The following ETAA1 variants were observed in gnomAD, a reference collection of about 807,000 sequenced individuals.
ETAA1 encodes the protein ETAA1 activator of ATR kinase.
In ETAA1, 49 loss-of-function variants were observed where a neutral mutation model predicts 76.8. The ratio of observed to expected loss-of-function variants is 0.64; its 90% CI spans 0.51 to 0.81. The LOEUF (loss-of-function observed/expected upper bound fraction) is 0.81, where lower values mean the gene tolerates loss of function less well. ETAA1 is among the 30% of genes least tolerant of loss of function. The pLI, the probability that ETAA1 is intolerant of heterozygous loss-of-function variation, is 0.00. For missense variants in ETAA1, 1,099 were observed against 1,074.0 expected, an observed-to-expected ratio of 1.02 and a Z score of -0.32; for synonymous variants, 373 against 372.2, an observed-to-expected ratio of 1.00 and a Z score of -0.03.
rs185586851 is a variant in ETAA1, at chr2:67,411,412, A to G, written c.*1374A>G. Reference sequence around the variant, plus strand: ...TGAAAATACCTTAAGTTAAAAATGCATTTACTACACTTAATCTACCAGACA... The same window carrying G: ...TGAAAATACCTTAAGTTAAAAATGCGTTTACTACACTTAATCTACCAGACA... On this transcript the variant is annotated 3_prime_UTR_variant, in exon 6 of 6. Transcript: ENST00000272342. The G allele has an allele frequency of 2.3e-4, 35 of 152,182 alleles. No individual in the cohort carries two copies. The highest frequency in any genetic ancestry group is 6.3e-4 in the African/African-American group (26 of 41,556). The allele number at this position is 152,182 out of a possible 1,614,324, so 9.4% of individuals were successfully genotyped here. A position where few individuals can be genotyped will look rare whatever the true frequency, so the allele number is the denominator to read the frequency against.
At position 67,407,246 on chromosome 2, in the gene ETAA1, TAA is replaced by T. The variant is rs71395915; in HGVS notation, c.2653+1930_2653+1931del. ...CTGACACTAACAACAGCTGATGAAC[TAA>T]AAAAAAAAAAAAAAAAAATCACAAA... On this transcript the variant is annotated intron_variant, in intron 5 of 5. Transcript: ENST00000272342. Among the ~76,000 whole-genome samples, 136 of 102,230 alleles carry T rather than the reference TAA, an allele frequency of 1.3e-3. 1 individual carries two copies. The highest frequency in any genetic ancestry group is 4.6e-3 in the South Asian group (14 of 3,066). 67.1% of individuals were successfully genotyped at this position (102,230 alleles called of 152,430 possible).
In ETAA1 at chr2:67,402,927, T is replaced by C; in HGVS notation, c.495T>C (p.Thr165=). Residue 165 remains threonine, a synonymous_variant, in exon 4 of 6, where the codon ACT becomes ACC. Transcript: ENST00000272342. ...TTGGTGAAACTGCTATTCCTTGTACTCCCAGTGTAGCAAAAGGAAAATCAA... is the reference window on the plus strand; with the variant it reads ...TTGGTGAAACTGCTATTCCTTGTACCCCCAGTGTAGCAAAAGGAAAATCAA... ...MWIGETAIPC[T]PSVAKGKSRA... The C allele has an allele frequency of 6.2e-7, 1 of 1,607,524 alleles. No homozygotes were observed. The highest frequency in any genetic ancestry group is 8.5e-7 in the Non-Finnish European group (1 of 1,176,752).
chr2:67,402,644 A>G, intron 3 of ETAA1: 1 of 260,102 alleles, frequency 3.8e-6, no homozygotes, highest in Non-Finnish European at 7.2e-6. Context: ...GAATGTTTTC[A>G]TTCTCTGAAA....
chr2:67,409,103 A>G (rs1676296251), intron 5 of ETAA1, among the ~76,000 whole-genome samples: 1 of 152,076 alleles, frequency 6.6e-6, no homozygotes. Flanking sequence ...CAGATTATAT[A>G]TTTTGAAAAT....
chr2:67,402,876 A>T lies in ETAA1; in HGVS notation c.444A>T (p.Thr148=), dbSNP rs765416302. 6.3e-7 allele frequency: 1 copy of T among 1,589,706 alleles called. No individual in the cohort carries two copies. The highest frequency in any genetic ancestry group is 1.8e-5 in the Admixed American group (1 of 56,130). The change falls in exon 4 of 6, where the codon ACA becomes ACT. Residue 148 remains threonine, a synonymous_variant. Coordinates refer to ENST00000272342, the MANE Select transcript of ETAA1 (RefSeq NM_019002.4). ...NRIAPQDEKP[T]TNSMLDMWIG... ...ATCTGCCAAAGGATGAAAAACCAAC[A>T]ACAAATTCTATGCTGGACATGTGGA...
intron 5 of ETAA1, among the ~76,000 whole-genome samples, chr2:67,408,354 C>T (rs1676274081): frequency 6.6e-6 from 1 of 152,102 alleles, no homozygotes; most frequent in African/African-American, 2.4e-5. Context: ...AATAATATTT[C>T]ATGACATTTG....
chr2:67,410,271 A>G lies in ETAA1; in HGVS notation c.*233A>G. ...TGGAAATTCAGGAAAGTTAGCAATT[A>G]TGTACGGATATTATACAGAGGAAAG... On this transcript the variant is annotated 3_prime_UTR_variant, in exon 6 of 6. Transcript: ENST00000272342. 1 of 451,210 alleles carries G rather than the reference A, an allele frequency of 2.2e-6. No individual in the cohort carries two copies. The highest frequency in any genetic ancestry group is 3.9e-6 in the Non-Finnish European group (1 of 257,020). 28.0% of individuals were successfully genotyped at this position (451,210 alleles called of 1,614,324 possible).
At chr2:67,407,592 CTT>C (rs1676254265) in intron 5 of ETAA1, among the ~76,000 whole-genome samples, 1 of 152,062 alleles carries the variant, frequency 6.6e-6, no homozygotes, top group Non-Finnish European at 1.5e-5. Flanking sequence ...CTGTGTATAA[CTT>C]TTGATCCCCT....
intron 4 of ETAA1, 93 bp downstream of exon 4, chr2:67,403,067 T>C: frequency 1.7e-6 from 2 of 1,203,474 alleles, no homozygotes; most frequent in Non-Finnish European, 2.3e-6. Context: ...ATCAAAATTT[T>C]TGTTAATAAA....
rs1232294994 is a variant in ETAA1 at position 67,397,714 on chromosome 2, A to G, written c.223+43A>G. On this transcript the variant is annotated intron_variant, in intron 1 of 5. Transcript: ENST00000272342. ...CGGCCTGCCTTGGCTTCGGCGCCGC[A>G]TCCCCACATCCCAGCTTGCAACAGG... The G allele has an allele frequency of 4.0e-6, 6 of 1,518,284 alleles. No individual in the cohort carries two copies. The East Asian group carries it at 1.2e-4, about 31-fold the overall frequency. The allele number at this position is 1,518,284 out of a possible 1,614,324, so 94.1% of individuals were successfully genotyped here.
At chr2:67,397,703 T>C (rs778881204) in intron 1 of ETAA1, 32 bp downstream of exon 1, 261 of 1,537,178 alleles carry the variant, frequency 1.7e-4, no homozygotes, top group Non-Finnish European at 2.2e-4. Flanking sequence ...CTGCCTTGGC[T>C]TCGGCGCCGC....
intron 3 of ETAA1, chr2:67,401,339 A>T (rs989531427): frequency 6.6e-6 from 1 of 151,938 alleles, no homozygotes; most frequent in African/African-American, 2.4e-5. Context: ...TTCTCAAATC[A>T]TTTAGTTTTA....
chr2:67,400,658 A>T (rs573774868), intron 3 of ETAA1: 1 of 152,100 alleles, frequency 6.6e-6, no homozygotes, highest in Admixed American at 6.5e-5. Flanking sequence ...TCCAGAGAAC[A>T]TTTTTGCTTA....
At chr2:67,401,641 A>G (rs1488241314) in intron 3 of ETAA1, 1 of 151,964 alleles carries the variant, frequency 6.6e-6, no homozygotes, top group Non-Finnish European at 1.5e-5. Flanking sequence ...ACCCATGTAT[A>G]TGTAAAGTTG....
At chr2:67,399,020 A>T (rs1004905206) in intron 1 of ETAA1, 149 bp from the exon 2 acceptor site, 1 of 681,608 alleles carries the variant, frequency 1.5e-6, no homozygotes, top group East Asian at 2.8e-5. Context: ...TGAAACAAGC[A>T]TTTCTGTTAC....
At chr2:67,407,674 T>A (rs1167094571) in intron 5 of ETAA1, among the ~76,000 whole-genome samples, 2 of 152,150 alleles carry the variant, frequency 1.3e-5, no homozygotes, top group Non-Finnish European at 2.9e-5. Flanking sequence ...TTAATACATA[T>A]TTTGTATGCT....
rs979311038 is a variant in ETAA1 at position 67,399,566 on chromosome 2, A to G, written c.369A>G (p.Lys123=). The change falls in exon 3 of 6, where the codon AAA becomes AAG. Residue 123 remains lysine (K), a synonymous_variant. Transcript: ENST00000272342. ...LTKQLGKGRK[K]QIYTTDSDEI... Reference sequence around the variant, plus strand: ...TTTCTTTAGGTAAAGGAAGAAAAAAACAGATTTACACCACAGATAGTGATG... The same window carrying G: ...TTTCTTTAGGTAAAGGAAGAAAAAAGCAGATTTACACCACAGATAGTGATG... 8 of 1,605,500 alleles carry G rather than the reference A, an allele frequency of 5.0e-6. No individual in the cohort carries two copies. Among genetic ancestry groups the G allele is most frequent in the Non-Finnish European group, 6.8e-6 (8 of 1,175,408 alleles).
At chr2:67,409,766 A>G in intron 5 of ETAA1, 145 bp from the exon 6 acceptor site, 1 of 689,500 alleles carries the variant, frequency 1.5e-6, no homozygotes, top group South Asian at 2.0e-5. Context: ...TTATGTACTT[A>G]GAATTTTATA....
At chr2:67,399,035 C>T (rs1675982027) in intron 1 of ETAA1, 134 bp from the exon 2 acceptor site, 2 of 744,816 alleles carry the variant, frequency 2.7e-6, no homozygotes, top group African/African-American at 3.6e-5. Context: ...TGTTACGGTT[C>T]AGGTAATTAT....
Sources: gnomAD v4.1 joint callset for allele counts (sites outside exome capture counted in the v4.1 genomes callset) on GRCh38, gnomAD v4.1.1 for gene constraint, MANE v1.5 for transcripts, NCBI Gene and HGNC (gene_info 2026-07-23, HGNC 2026-07-21) for gene names.